Variants in OTUD7A observed in about 807,000 individuals in gnomAD.
OTUD7A encodes OTU domain-containing protein 7A.
A neutral mutation model predicts 65.7 loss-of-function variants in OTUD7A; 12 were observed. That is an observed-to-expected ratio of 0.18 (90% CI 0.12 to 0.30). The LOEUF (loss-of-function observed/expected upper bound fraction) is 0.30. OTUD7A is among the 10% of genes least tolerant of loss of function. The probability of loss-of-function intolerance (pLI) is 1.00; values close to 1 mark genes in which losing one functional copy is unlikely to be tolerated. For missense variants in OTUD7A, 1,148 were observed against 1,304.8 expected, an observed-to-expected ratio of 0.88 and a Z score of 1.85; for synonymous variants, 641 against 586.3, an observed-to-expected ratio of 1.09 and a Z score of -1.35.
intron 6 of OTUD7A, 56 bp from the exon 7 acceptor site, chr15:31,527,364 G>C (rs2042029320): frequency 6.3e-7 from 1 of 1,586,044 alleles, no homozygotes; most frequent in African/African-American, 1.4e-5. Context: ...GAAAAGACAA[G>C]CCAGAGGTGA....
Position 31,501,739 on chromosome 15 carries a change from A to G in OTUD7A, c.1122T>C (p.His374=), listed in dbSNP as rs1356608330. Residue 374 remains histidine (H), a synonymous_variant, in exon 10 of 13, where the codon CAT becomes CAC. Coordinates refer to ENST00000307050, the MANE Select transcript of OTUD7A (RefSeq NM_001382637.1). The part of the protein sequence containing the change: ...SPLVLAYDQA[H]FSALVSMEQR... ...GTTCCATGGACACAAGGGCAGAGAA[A>G]TGGGCTTGATCATAGGCCAGAACCA... 6.2e-7 allele frequency: 1 copy of G among 1,614,166 alleles called. No homozygotes were observed. Among genetic ancestry groups the G allele is most frequent in the Non-Finnish European group, 8.5e-7 (1 of 1,180,016 alleles).
Position 31,763,882 on chromosome 15 carries a change from T to G in OTUD7A, c.-100+106625A>C, listed in dbSNP as rs1399895106. Among the ~76,000 whole-genome samples the G allele has an allele frequency of 3.9e-5, 6 of 152,092 alleles. No individual in the cohort carries two copies. The East Asian group carries it at 1.2e-3, about 29-fold the overall frequency. On this transcript the variant is annotated intron_variant, in intron 1 of 12. Transcript: ENST00000307050. ...CAGAAACCACAGAGGCACAACATTTTTAAAGGAATGAAAGACAAGAACTGT... is the reference window on the plus strand; with the variant it reads ...CAGAAACCACAGAGGCACAACATTTGTAAAGGAATGAAAGACAAGAACTGT...
chr15:31,608,418 A>C (rs1018896803), intron 3 of OTUD7A, among the ~76,000 whole-genome samples: 2 of 152,212 alleles, frequency 1.3e-5, no homozygotes, highest in African/African-American at 4.8e-5. Context: ...TCAGAAGAAA[A>C]TATTGTTTGA....
chr15:31,533,528 C>T (rs1020087840), intron 5 of OTUD7A, among the ~76,000 whole-genome samples: 22 of 152,152 alleles, frequency 1.4e-4, no homozygotes, highest in South Asian at 8.3e-4. Flanking sequence ...TGAGCCACCA[C>T]GCCCAGCCAA....
At position 31,475,674 on chromosome 15, in the gene OTUD7A, C is replaced by G. The variant is rs530555641; in HGVS notation, c.*7620G>C. The G allele has an allele frequency of 1.3e-5, 2 of 152,206 alleles. No homozygotes were observed. Among genetic ancestry groups the G allele is most frequent in the African/African-American group, 4.8e-5 (2 of 41,450 alleles). 9.4% of individuals were successfully genotyped at this position (152,206 alleles called of 1,614,324 possible). A position where few individuals can be genotyped will look rare whatever the true frequency, so the allele number is the denominator to read the frequency against. ...TCCCAACCACAGAAGACAGCTCTTA[C>G]AATGGGTTTCTTCTCCAAGAATGGA... On this transcript the variant is annotated 3_prime_UTR_variant, in exon 13 of 13. Transcript: ENST00000307050.
At chr15:31,837,697 T>C (rs1897090048) in intron 1 of OTUD7A, among the ~76,000 whole-genome samples, 1 of 152,214 alleles carries the variant, frequency 6.6e-6, no homozygotes, top group Admixed American at 6.5e-5. Flanking sequence ...ATTAGATGAC[T>C]CAACATAATA....
intron 8 of OTUD7A, among the ~76,000 whole-genome samples, chr15:31,511,791 T>C (rs1441884516): frequency 2.1e-5 from 2 of 96,222 alleles, no homozygotes; most frequent in East Asian, 6.5e-4. Flanking sequence ...TATATTTTAC[T>C]ATCGGAGGTT....
intron 3 of OTUD7A, among the ~76,000 whole-genome samples, chr15:31,590,258 T>C (rs1595634116): frequency 6.6e-6 from 1 of 152,356 alleles, no homozygotes; most frequent in East Asian, 1.9e-4. Context: ...GCCTAGAGCC[T>C]AGGTATGTAG....
chr15:31,725,417 G>C (rs912233366), intron 1 of OTUD7A, among the ~76,000 whole-genome samples: 1 of 152,088 alleles, frequency 6.6e-6, no homozygotes, highest in African/African-American at 2.4e-5. Flanking sequence ...TAGCCCATGG[G>C]TCTCCAGACT....
chr15:31,653,119 C>G (rs1270851485), intron 3 of OTUD7A, among the ~76,000 whole-genome samples: 2 of 151,766 alleles, frequency 1.3e-5, no homozygotes, highest in African/African-American at 4.8e-5. Flanking sequence ...CATGGTGATG[C>G]GCGGCTGTAA....
Position 31,628,698 on chromosome 15 carries a change from C to G in OTUD7A, c.151+26398G>C, listed in dbSNP as rs572404067. Among the ~76,000 whole-genome samples, 664 of 152,140 alleles carry G rather than the reference C, an allele frequency of 4.4e-3. 6 individuals carry two copies. Among genetic ancestry groups the G allele is most frequent in the African/African-American group, 0.015 (638 of 41,514 alleles). On this transcript the variant is annotated intron_variant, in intron 3 of 12. Coordinates refer to ENST00000307050, the MANE Select transcript of OTUD7A (RefSeq NM_001382637.1). ...TTACCTTGGGCAGTATGGCCATTTT[C>G]ACGATATTGATTCTTCCTACCCATG...
chr15:31,656,571 C>T lies in OTUD7A; in HGVS notation c.-5+412G>A, dbSNP rs1891999056. On this transcript the variant is annotated intron_variant, in intron 2 of 12. Transcript: ENST00000307050. ...ATTACAGGCAATGGAAAATTTTATG[C>T]TAGGAAGTATGTAATTAATTTTACA... Among the ~76,000 whole-genome samples the T allele has an allele frequency of 2.0e-5, 3 of 152,150 alleles. 1 individual carries two copies. Among genetic ancestry groups the T allele is most frequent in the Admixed American group, 2.0e-4 (3 of 15,280 alleles).
At chr15:31,764,500 A>G (rs561072042) in intron 1 of OTUD7A, among the ~76,000 whole-genome samples, 9 of 152,304 alleles carry the variant, frequency 5.9e-5, no homozygotes, top group African/African-American at 2.2e-4. Flanking sequence ...ATAGAAGGCA[A>G]CTTGCTTCAA....
chr15:31,619,416 T>A (rs1435082758), intron 3 of OTUD7A, among the ~76,000 whole-genome samples: 1 of 152,240 alleles, frequency 6.6e-6, no homozygotes, highest in African/African-American at 2.4e-5. Flanking sequence ...GCATGGAATG[T>A]TCTTCCATTT....
In OTUD7A at chr15:31,527,277, C is replaced by T. The variant is rs2042027948; in HGVS notation, c.684G>A (p.Val228=). Residue 228 remains valine (V), a synonymous_variant, in exon 7 of 13, where the codon GTG becomes GTA. Coordinates refer to ENST00000307050, the MANE Select transcript of OTUD7A (RefSeq NM_001382637.1). ...GMWGFHDRDL[V]LRKALYTMMR... The stretch of plus-strand genomic sequence containing the variant: ...TCATGGTATAGAGAGCTTTCCGTAA[C>T]ACCAGGTCCCGGTCGTGAAACCCCC... The T allele has an allele frequency of 1.2e-6, 2 of 1,614,206 alleles. No individual in the cohort carries two copies. The highest frequency in any genetic ancestry group is 2.2e-5 in the East Asian group (1 of 44,894).
At chr15:31,669,247 G>A (rs1278586612) in intron 1 of OTUD7A, among the ~76,000 whole-genome samples, 3 of 152,176 alleles carry the variant, frequency 2.0e-5, no homozygotes, top group African/African-American at 7.2e-5. Flanking sequence ...CAGCTACCAG[G>A]GTGGATAGGG....
At chr15:31,779,302 G>A (rs1292935321) in intron 1 of OTUD7A, among the ~76,000 whole-genome samples, 4 of 152,152 alleles carry the variant, frequency 2.6e-5, no homozygotes, top group Non-Finnish European at 4.4e-5. Flanking sequence ...GAATCGTCAC[G>A]CTGGCACTAA....
intron 1 of OTUD7A, among the ~76,000 whole-genome samples, chr15:31,821,730 C>T (rs962050325): frequency 6.6e-6 from 1 of 152,152 alleles, no homozygotes; most frequent in African/African-American, 2.4e-5. Flanking sequence ...ATATTCCCAC[C>T]AGAAACATAC....
chr15:31,514,809 G>C (rs985914309), intron 8 of OTUD7A, among the ~76,000 whole-genome samples: 5 of 152,214 alleles, frequency 3.3e-5, no homozygotes, highest in African/African-American at 1.2e-4. Context: ...TTTTCAGCAA[G>C]GAAGGAAAGG....
Sources: gnomAD v4.1 joint callset for allele counts (sites outside exome capture counted in the v4.1 genomes callset) on GRCh38, gnomAD v4.1.1 for gene constraint, MANE v1.5 for transcripts, NCBI Gene and HGNC (gene_info 2026-07-23, HGNC 2026-07-21) for gene names.